ARPC1A: variants seen among roughly 807,000 people sequenced by gnomAD.
ARPC1A encodes the protein actin related protein 2/3 complex subunit 1A.
Under a neutral mutation model 46.9 loss-of-function variants are expected in ARPC1A, and 8 were observed. That is an observed-to-expected ratio of 0.17 (90% CI 0.10 to 0.31). ARPC1A has a LOEUF of 0.31. Among genes scored for constraint, ARPC1A ranks in the 10% least tolerant of loss-of-function variants. ARPC1A has a pLI of 1.00. For missense variants in ARPC1A, 286 were observed against 483.6 expected (o/e 0.59, Z 3.83); for synonymous variants, 152 against 169.0 (o/e 0.90, Z 0.78).
chr7:99,328,262 A>AG (rs1241664450), intron 1 of ARPC1A, among the ~76,000 whole-genome samples: 2 of 152,126 alleles, frequency 1.3e-5, no homozygotes, highest in African/African-American at 4.8e-5. Context: ...CCAGCTACTC[A>AG]GGAGGCTGAG....
Position 99,354,118 on chromosome 7 carries a change from T to C in ARPC1A, c.710T>C (p.Val237Ala). ...TVSVADASKS[V>A]QVSTLKTEFL... ...TCTGTTGCTGATGCCTCAAAAAGTG[T>C]GCAGTGAGTATTTGCCTTTCATTTG... Residue 237 changes from valine to alanine, a missense_variant, in exon 6 of 10, where the codon GTG (valine) becomes GCG (alanine). This residue lies in a region of ARPC1A where 182 missense variants were observed against 276.7 expected (regional missense o/e 0.66). Transcript: ENST00000262942. 6.2e-7 allele frequency: 1 copy of C among 1,613,248 alleles called. No individual in the cohort carries two copies. The highest frequency in any genetic ancestry group is 1.1e-5 in the South Asian group (1 of 91,062).
intron 5 of ARPC1A, among the ~76,000 whole-genome samples, chr7:99,353,125 TATG>T (rs1039368877): frequency 2.4e-5 from 3 of 124,486 alleles, no homozygotes; most frequent in Non-Finnish European, 4.7e-5. Flanking sequence ...TATGTTATGT[TATG>T]TTATGTTATG....
chr7:99,331,135 A>T (rs1406044548), intron 1 of ARPC1A, among the ~76,000 whole-genome samples: 1 of 152,212 alleles, frequency 6.6e-6, no homozygotes, highest in African/African-American at 2.4e-5. Flanking sequence ...GTGGCTGGGC[A>T]TGGTGACTCA....
chr7:99,365,852 C>G (rs1793832253), intron 9 of ARPC1A, 39 bp from the exon 10 acceptor site: 2 of 1,551,876 alleles, frequency 1.3e-6, no homozygotes, highest in African/African-American at 1.4e-5. Flanking sequence ...GGGGTAGACA[C>G]TCCTCAGTGA....
intron 3 of ARPC1A, among the ~76,000 whole-genome samples, chr7:99,341,432 A>C (rs1401082164): frequency 6.6e-6 from 1 of 151,618 alleles, no homozygotes; most frequent in Non-Finnish European, 1.5e-5. Flanking sequence ...ACATGGAGAA[A>C]CCCCATTTCT....
intron 6 of ARPC1A, among the ~76,000 whole-genome samples, chr7:99,354,841 A>T (rs1369614364): frequency 1.3e-5 from 2 of 151,992 alleles, no homozygotes; most frequent in Non-Finnish European, 2.9e-5. Context: ...AATTAGCCGC[A>T]GTGGCTCACA....
intron 1 of ARPC1A, among the ~76,000 whole-genome samples, chr7:99,329,824 T>C (rs1202068654): frequency 6.6e-6 from 1 of 152,248 alleles, no homozygotes; most frequent in Non-Finnish European, 1.5e-5. Context: ...AACCATGTAC[T>C]TTTATGGCAC....
chr7:99,335,066 A>G (rs571347752), intron 2 of ARPC1A, among the ~76,000 whole-genome samples: 35 of 152,116 alleles, frequency 2.3e-4, no homozygotes, highest in African/African-American at 7.7e-4. Context: ...GGATGGTCTC[A>G]ATCTCCTGAC....
At chr7:99,365,483 G>A (rs908854765) in intron 9 of ARPC1A, among the ~76,000 whole-genome samples, 3 of 151,978 alleles carry the variant, frequency 2.0e-5, no homozygotes, top group Admixed American at 6.6e-5. Context: ...GTGCAGTGAC[G>A]CATGCCTTTA....
chr7:99,359,477 G>T, intron 7 of ARPC1A, 68 bp from the exon 8 acceptor site: 28 of 1,401,516 alleles, frequency 2.0e-5, no homozygotes, highest in Non-Finnish European at 2.4e-5. Flanking sequence ...CTGTCGTGGT[G>T]AACACTCTGC....
intron 5 of ARPC1A, among the ~76,000 whole-genome samples, chr7:99,351,114 T>G (rs1793537380): frequency 6.6e-6 from 1 of 152,108 alleles, no homozygotes; most frequent in South Asian, 2.1e-4. Flanking sequence ...TCTGGACCTG[T>G]GTTACTTGTG....
chr7:99,339,185 AG>A (rs1157114847), intron 3 of ARPC1A, among the ~76,000 whole-genome samples: 7 of 152,192 alleles, frequency 4.6e-5, no homozygotes, highest in Non-Finnish European at 8.8e-5. Flanking sequence ...CTCCCCTGGA[AG>A]GCAGACTATA....
intron 2 of ARPC1A, among the ~76,000 whole-genome samples, chr7:99,337,502 T>C (rs1181671235): frequency 1.3e-5 from 2 of 152,196 alleles, no homozygotes; most frequent in African/African-American, 4.8e-5. Flanking sequence ...GAGTGTCATG[T>C]TGATACTCAA....
At chr7:99,359,448 A>AG in intron 7 of ARPC1A, 97 bp from the exon 8 acceptor site, 2 of 1,277,762 alleles carry the variant, frequency 1.6e-6, no homozygotes, top group Non-Finnish European at 1.1e-6. Flanking sequence ...AAAAAAAAAA[A>AG]AAAAAGAGTA....
At chr7:99,363,424 TAA>T in intron 8 of ARPC1A, 117 bp from the exon 9 acceptor site, 1 of 776,786 alleles carries the variant, frequency 1.3e-6, no homozygotes, top group Non-Finnish European at 2.1e-6. Flanking sequence ...CAGCTCTATT[TAA>T]AAAATAAAGA....
At chr7:99,330,566 C>T (rs915878041) in intron 1 of ARPC1A, among the ~76,000 whole-genome samples, 2 of 152,210 alleles carry the variant, frequency 1.3e-5, no homozygotes, top group South Asian at 4.1e-4. Flanking sequence ...CCGCCCACCT[C>T]GGCCTCCCAA....
At chr7:99,328,836 A>G (rs937710028) in intron 1 of ARPC1A, among the ~76,000 whole-genome samples, 25 of 152,156 alleles carry the variant, frequency 1.6e-4, no homozygotes, top group Admixed American at 6.5e-4. Flanking sequence ...CTGTGGTCCC[A>G]GCTACTCAGG....
Position 99,344,344 on chromosome 7 carries a change from G to T in ARPC1A, c.221G>T (p.Arg74Leu). 1 of 1,613,974 alleles carries T rather than the reference G, an allele frequency of 6.2e-7. No individual in the cohort carries two copies. Among genetic ancestry groups the T allele is most frequent in the Non-Finnish European group, 8.5e-7 (1 of 1,179,862 alleles). ...SDRIVTCGAD[R>L]NAYVWSQKDG... ...CGCATTGTCACTTGTGGGGCAGACC[G>T]CAATGCCTATGTCTGGAGTCAGAAA... is the stretch of plus-strand genomic sequence containing the variant. The change falls in exon 4 of 10, where the codon CGC (arginine) becomes CTC (leucine). Residue 74 changes from arginine to leucine, a missense_variant. This residue lies in a region of ARPC1A where 38 missense variants were observed against 95.8 expected (regional missense o/e 0.40). Transcript: ENST00000262942.
At chr7:99,346,155 G>A (rs558144995) in intron 4 of ARPC1A, among the ~76,000 whole-genome samples, 1 of 151,920 alleles carries the variant, frequency 6.6e-6, no homozygotes, top group South Asian at 2.1e-4. Flanking sequence ...GGCAGAGGTT[G>A]CGGTGAGCCG....
Sources: gnomAD v4.1 joint callset for allele counts (sites outside exome capture counted in the v4.1 genomes callset) on GRCh38, gnomAD v4.1.1 for gene constraint, gnomAD v4.1.1 regional missense constraint, MANE v1.5 for transcripts, NCBI Gene and HGNC (gene_info 2026-07-23, HGNC 2026-07-21) for gene names.